BPIFB4: variants seen among roughly 807,000 people sequenced by gnomAD.
BPIFB4 encodes the protein BPI fold containing family B member 4.
A neutral mutation model predicts 69.2 loss-of-function variants in BPIFB4; 62 were observed. The observed-to-expected ratio is 0.90, with a 90% confidence interval of 0.73 to 1.11. The LOEUF (loss-of-function observed/expected upper bound fraction) is 1.11. Ranked by LOEUF, BPIFB4 falls within the 50% of genes least tolerant of loss-of-function variation. BPIFB4 has a pLI of 0.00. For missense variants in BPIFB4, 789 were observed against 792.0 expected (o/e 1.00, Z 0.04); for synonymous variants, 330 against 332.7 (o/e 0.99, Z 0.09).
At chr20:33,105,734 C>T (rs987527882) in intron 16 of BPIFB4, among the ~76,000 whole-genome samples, 2 of 152,166 alleles carry the variant, frequency 1.3e-5, no homozygotes, top group Non-Finnish European at 2.9e-5. Context: ...AACCCTTGTT[C>T]TGGGCCCTGT....
chr20:33,089,731 C>T (rs1981544439), intron 9 of BPIFB4, among the ~76,000 whole-genome samples, 173 bp downstream of exon 9: 1 of 65,150 alleles, frequency 1.5e-5, no homozygotes, highest in Non-Finnish European at 3.4e-5. Flanking sequence ...TCCCAAACAC[C>T]CCCCCCGAGT....
intron 17 of BPIFB4, among the ~76,000 whole-genome samples, chr20:33,111,137 A>G (rs769094291): frequency 2.0e-5 from 3 of 152,054 alleles, no homozygotes; most frequent in Non-Finnish European, 2.9e-5. Context: ...TTTAATTATG[A>G]AAACTGGATT....
At chr20:33,105,986 G>A (rs1350311996) in intron 16 of BPIFB4, among the ~76,000 whole-genome samples, 1 of 152,216 alleles carries the variant, frequency 6.6e-6, no homozygotes, top group African/African-American at 2.4e-5. Context: ...CCGTAAAGCA[G>A]TCCCACAAAA....
rs1392684641 is a variant in BPIFB4, at chr20:33,097,547, T to C, written c.1399-70T>C. The C allele has an allele frequency of 2.0e-6, 3 of 1,479,416 alleles. No homozygotes were observed. The East Asian group carries it at 6.8e-5, about 34-fold the overall frequency. 91.6% of individuals were successfully genotyped at this position (1,479,416 alleles called of 1,614,324 possible). A position where few individuals can be genotyped will look rare whatever the true frequency, so the allele number is the denominator to read the frequency against. On this transcript the variant is annotated intron_variant, in intron 12 of 17. Coordinates refer to ENST00000375483, the MANE Select transcript of BPIFB4 (RefSeq NM_182519.3). ...GACCCCGGTGCTCTGTGTTTAGAGG[T>C]TGGCTGATAACCCCCTGGGTACCTC...
intron 3 of BPIFB4, among the ~76,000 whole-genome samples, chr20:33,082,384 A>G (rs1046823391): frequency 2.0e-5 from 3 of 152,120 alleles, no homozygotes; most frequent in African/African-American, 7.2e-5. Flanking sequence ...CCCAGGCTGG[A>G]GTGCAATGGT....
At position 33,085,040 on chromosome 20, in the gene BPIFB4, C is replaced by T; in HGVS notation, c.782+44C>T. On this transcript the variant is annotated intron_variant, in intron 6 of 17. Transcript: ENST00000375483. ...GGAGGGGTCCCCACCACCCTATGGC[C>T]CAACCTCTGTATCCATAACACAGAG... The T allele has an allele frequency of 2.5e-6, 4 of 1,586,796 alleles. No homozygotes were observed. In the South Asian group the frequency reaches 4.5e-5, roughly 18 times the overall value.
intron 2 of BPIFB4, 66 bp from the exon 3 acceptor site, chr20:33,081,446 A>G: frequency 3.3e-6 from 5 of 1,529,672 alleles, no homozygotes; most frequent in Non-Finnish European, 4.4e-6. Flanking sequence ...GGGGCTGCCT[A>G]GTGCTACCTG....
chr20:33,089,497 G>A lies in BPIFB4; in HGVS notation c.991-1G>A, dbSNP rs750261768. 4 of 1,614,212 alleles carry A rather than the reference G, an allele frequency of 2.5e-6. No individual in the cohort carries two copies. Among genetic ancestry groups the A allele is most frequent in the Non-Finnish European group, 2.5e-6 (3 of 1,180,046 alleles). The stretch of plus-strand genomic sequence containing the variant: ...GGCTTTGTGCCATTTCTCCCCTGCA[G>A]CTCTGCCCCATCGTGGATGTGGTGC... On this transcript the variant is annotated splice_acceptor_variant, in intron 8 of 17. Coordinates refer to ENST00000375483, the MANE Select transcript of BPIFB4 (RefSeq NM_182519.3). LOFTEE classifies it high-confidence loss of function.
intron 11 of BPIFB4, among the ~76,000 whole-genome samples, chr20:33,094,705 A>G (rs1247598676): frequency 1.3e-5 from 2 of 151,670 alleles, no homozygotes; most frequent in African/African-American, 4.8e-5. Context: ...CGGGATTTTC[A>G]CCATGTTGGC....
In BPIFB4 at chr20:33,088,076, C is replaced by A. The variant is rs116967945; in HGVS notation, c.927-890C>A. 8.0e-3 allele frequency among the ~76,000 whole-genome samples: 1,222 copies of A among 152,222 alleles called. 10 individuals are homozygous for A. Among genetic ancestry groups the A allele is most frequent in the Middle Eastern group, 0.031 (9 of 292 alleles). On this transcript the variant is annotated intron_variant, in intron 7 of 17. Coordinates refer to ENST00000375483, the MANE Select transcript of BPIFB4 (RefSeq NM_182519.3). The stretch of plus-strand genomic sequence containing the variant: ...AGGATGATCATGTTTCCTTCGTCTT[C>A]TTATCACTGCAGGCCCCTGGAAACA...
At chr20:33,100,375 C>G in intron 13 of BPIFB4, 51 bp from the exon 14 acceptor site, 2 of 1,483,208 alleles carry the variant, frequency 1.3e-6, no homozygotes, top group South Asian at 2.3e-5. Flanking sequence ...TTGGCAAGCA[C>G]TGGCCAAGAC....
At chr20:33,090,891 C>T in intron 10 of BPIFB4, 92 bp downstream of exon 10, 4 of 1,487,548 alleles carry the variant, frequency 2.7e-6, no homozygotes, top group Non-Finnish European at 3.7e-6. Context: ...TGCTGAATGC[C>T]TGGGAAGTAA....
intron 9 of BPIFB4, among the ~76,000 whole-genome samples, 174 bp downstream of exon 9, chr20:33,089,732 C>CT (rs1271833997): frequency 6.6e-6 from 1 of 152,210 alleles, no homozygotes; most frequent in East Asian, 1.9e-4. Context: ...CCCAAACACC[C>CT]CCCCCGAGTA....
At position 33,084,889 on chromosome 20, in the gene BPIFB4, C is replaced by CA. The variant is rs1981372565; in HGVS notation, c.678-2dup. On this transcript the variant is annotated splice_polypyrimidine_tract_variant and splice_region_variant and intron_variant, in intron 5 of 17. Transcript: ENST00000375483. ...CCTTCTCACCACTCTGTGTCCCGAG[C>CA]AGGCTGCGTATCGTGGAGCTGACCC... 3.1e-6 allele frequency: 5 copies of CA among 1,605,794 alleles called. No individual in the cohort carries two copies. Among genetic ancestry groups the CA allele is most frequent in the Non-Finnish European group, 4.2e-6 (5 of 1,179,690 alleles).
intron 12 of BPIFB4, among the ~76,000 whole-genome samples, chr20:33,095,379 G>T (rs116159978): frequency 1.8e-3 from 267 of 152,270 alleles, no homozygotes; most frequent in African/African-American, 6.2e-3. Flanking sequence ...TCTATAGGTG[G>T]TCCAGCCTGC....
chr20:33,099,734 A>T (rs1981854484), intron 13 of BPIFB4, among the ~76,000 whole-genome samples: 1 of 151,272 alleles, frequency 6.6e-6, no homozygotes, highest in African/African-American at 2.4e-5. Flanking sequence ...ACCAGCTTAC[A>T]CCCCTGGCAC....
intron 9 of BPIFB4, 152 bp from the exon 10 acceptor site, chr20:33,090,556 A>G (rs1323497984): frequency 3.7e-6 from 5 of 1,336,592 alleles, no homozygotes; most frequent in Non-Finnish European, 5.0e-6. Context: ...GAAGAGGCAG[A>G]GCTGGGATTC....
At position 33,104,806 on chromosome 20, in the gene BPIFB4, G is replaced by A. The variant is rs1981998844; in HGVS notation, c.1681-4G>A. On this transcript the variant is annotated splice_polypyrimidine_tract_variant and splice_region_variant and intron_variant, in intron 15 of 17. Coordinates refer to ENST00000375483, the MANE Select transcript of BPIFB4 (RefSeq NM_182519.3). ...CAGGCTCTGTCCTCCTTCTTCCTCT[G>A]CAGATTGGCCTCATGGAGGTGCTGG... is the stretch of plus-strand genomic sequence containing the variant. 2 of 1,613,998 alleles carry A rather than the reference G, an allele frequency of 1.2e-6. No homozygotes were observed. The highest frequency in any genetic ancestry group is 1.7e-6 in the Non-Finnish European group (2 of 1,179,930).
intron 9 of BPIFB4, among the ~76,000 whole-genome samples, chr20:33,090,074 G>C (rs372317060): frequency 2.6e-5 from 4 of 152,324 alleles, no homozygotes; most frequent in Admixed American, 1.3e-4. Context: ...CGCCCTGTAT[G>C]GCTGTGCCAT....
Sources: gnomAD v4.1 joint callset for allele counts (sites outside exome capture counted in the v4.1 genomes callset) on GRCh38, gnomAD v4.1.1 for gene constraint, MANE v1.5 for transcripts, NCBI Gene and HGNC (gene_info 2026-07-23, HGNC 2026-07-21) for gene names.